FOXN3: variants seen among roughly 807,000 people sequenced by gnomAD.
FOXN3 encodes the protein forkhead box protein N3.
In FOXN3, 7 loss-of-function variants were observed where a neutral mutation model predicts 38.4. The observed-to-expected ratio is 0.18, with a 90% CI of 0.10 to 0.34. The LOEUF (loss-of-function observed/expected upper bound fraction) is 0.34. FOXN3 is among the 10% of genes least tolerant of loss of function. The pLI, the probability that FOXN3 is intolerant of heterozygous loss-of-function variation, is 1.00. For missense variants in FOXN3, 456 were observed against 613.4 expected, an observed-to-expected ratio of 0.74 and a Z score of 2.71; for synonymous variants, 230 against 242.2, an observed-to-expected ratio of 0.95 and a Z score of 0.47.
intron 3 of FOXN3, among the ~76,000 whole-genome samples, chr14:89,331,370 C>T (rs10146970): frequency 0.17 from 26,576 of 152,194 alleles, 2,620 homozygotes; most frequent in South Asian, 0.3. Context: ...ATGTTGTGGC[C>T]TGTGTCAGAA....
At chr14:89,372,844 A>G (rs1208279425) in intron 2 of FOXN3, among the ~76,000 whole-genome samples, 1 of 152,212 alleles carries the variant, frequency 6.6e-6, no homozygotes, top group Non-Finnish European at 1.5e-5. Context: ...CAATATCACA[A>G]TGTTAAAAAT....
At chr14:89,503,539 T>C (rs1180413524) in intron 1 of FOXN3, among the ~76,000 whole-genome samples, 1 of 152,222 alleles carries the variant, frequency 6.6e-6, no homozygotes, top group Non-Finnish European at 1.5e-5. Context: ...GTGCATGAAT[T>C]TGAATATTTG....
Position 89,162,040 on chromosome 14 carries a change from G to GA in FOXN3, c.*373dup, listed in dbSNP as rs1887118708. The stretch of plus-strand genomic sequence containing the variant: ...TTTGCCCACGTGCCTTCTAGGTGCC[G>GA]AATGTGTGTTCCTGTGATATTGACG... On this transcript the variant is annotated 3_prime_UTR_variant, in exon 6 of 6. Transcript: ENST00000557258. The surrounding 1 kb of genome is among the most constrained non-coding windows in gnomAD (Gnocchi z 7.2). 1 of 167,378 alleles carries GA rather than the reference G, an allele frequency of 6.0e-6. No homozygotes were observed. The highest frequency in any genetic ancestry group is 1.3e-5 in the Non-Finnish European group (1 of 78,382). The allele number at this position is 167,378 out of a possible 1,614,324, so 10.4% of individuals were successfully genotyped here.
chr14:89,445,040 T>G (rs112169019), intron 1 of FOXN3, among the ~76,000 whole-genome samples: 5,286 of 152,054 alleles, frequency 0.035, 319 homozygotes, highest in African/African-American at 0.12. Context: ...GGAGATCGCT[T>G]GAGCCCAGGA....
chr14:89,379,372 T>A (rs1038870910), intron 2 of FOXN3, among the ~76,000 whole-genome samples: 1 of 152,138 alleles, frequency 6.6e-6, no homozygotes, highest in Non-Finnish European at 1.5e-5. Context: ...CCTATTGGTA[T>A]TTGCGGCCGG....
chr14:89,468,753 C>A (rs778933217), intron 1 of FOXN3, among the ~76,000 whole-genome samples: 1 of 152,158 alleles, frequency 6.6e-6, no homozygotes, highest in Non-Finnish European at 1.5e-5. Context: ...TTGAACCAGT[C>A]CCCTGGTGGT....
chr14:89,417,247 G>A (rs531934117), upstream of FOXN3: 1 of 147,564 alleles, frequency 6.8e-6, no homozygotes, highest in Non-Finnish European at 1.5e-5. Flanking sequence ...CAGGCAGGAG[G>A]AGGGGAAGCG....
At position 89,368,352 on chromosome 14, in the gene FOXN3, C is replaced by T. The variant is rs1293692145; in HGVS notation, c.544-17544G>A. Among the ~76,000 whole-genome samples, 3 of 148,028 alleles carry T rather than the reference C, an allele frequency of 2.0e-5. No homozygotes were observed. The Admixed American group carries it at 2.0e-4, about 10-fold the overall frequency. Reference sequence around the variant, plus strand: ...TCTCAAAAAAAAAAAAAAAGAACACCGAATCCCTGGCCAGGCACAGTGGCT... The same window carrying T: ...TCTCAAAAAAAAAAAAAAAGAACACTGAATCCCTGGCCAGGCACAGTGGCT... On this transcript the variant is annotated intron_variant, in intron 2 of 5. Transcript: ENST00000557258.
At chr14:89,218,012 G>A (rs1356586981) in intron 4 of FOXN3, among the ~76,000 whole-genome samples, 1 of 152,212 alleles carries the variant, frequency 6.6e-6, no homozygotes, top group East Asian at 1.9e-4. Flanking sequence ...GAATACTAAT[G>A]CCATTAGAAA....
At chr14:89,602,552 A>G (rs1182255826) in intron 1 of FOXN3, among the ~76,000 whole-genome samples, 1 of 151,230 alleles carries the variant, frequency 6.6e-6, no homozygotes, top group African/African-American at 2.4e-5. Flanking sequence ...GCTGGAGTGC[A>G]GTGGCGCGAT....
At chr14:89,366,553 G>A (rs1476251511) in intron 2 of FOXN3, among the ~76,000 whole-genome samples, 3 of 152,008 alleles carry the variant, frequency 2.0e-5, no homozygotes, top group African/African-American at 7.3e-5. Context: ...AGGGATGAGG[G>A]GAAATAAAAT....
At chr14:89,567,404 G>A (rs8014870) in intron 1 of FOXN3, among the ~76,000 whole-genome samples, 1,833 of 147,728 alleles carry the variant, frequency 0.012, 36 homozygotes, top group African/African-American at 0.042. Flanking sequence ...GGTACAGAGC[G>A]ATACTAAGGG....
rs564227868 is a variant in FOXN3 at position 89,160,562 on chromosome 14, T to C, written c.*1852A>G. 17 of 152,666 alleles carry C rather than the reference T, an allele frequency of 1.1e-4. No individual in the cohort carries two copies. The South Asian group carries it at 3.5e-3, about 32-fold the overall frequency. The allele number at this position is 152,666 out of a possible 1,614,324, so 9.5% of individuals were successfully genotyped here. ...TCACTGCCTTTTTCCTAGAACCAAATCATGGTAATGATTTTCTCAAGTAAG... is the reference window on the plus strand; with the variant it reads ...TCACTGCCTTTTTCCTAGAACCAAACCATGGTAATGATTTTCTCAAGTAAG... On this transcript the variant is annotated 3_prime_UTR_variant, in exon 6 of 6. Transcript: ENST00000557258.
upstream of FOXN3, among the ~76,000 whole-genome samples, chr14:89,418,853 ACCTTTG>A (rs997561759): frequency 3.3e-5 from 5 of 152,020 alleles, no homozygotes; most frequent in Non-Finnish European, 5.9e-5. Flanking sequence ...AAGGCCAGAG[ACCTTTG>A]TCCAAGCCCT....
Position 89,465,952 on chromosome 14 carries a change from A to G in FOXN3, c.-14-53462T>C, listed in dbSNP as rs528968414. On this transcript the variant is annotated intron_variant, in intron 1 of 6. Coordinates refer to the FOXN3 transcript ENST00000345097. ...GACAGGCTGATTATTTGAACAGAATATCAGGGTCATTCCCATCTCCATCTC... is the reference window on the plus strand; with the variant it reads ...GACAGGCTGATTATTTGAACAGAATGTCAGGGTCATTCCCATCTCCATCTC... Among the ~76,000 whole-genome samples the G allele has an allele frequency of 7.4e-4, 113 of 152,346 alleles. No homozygotes were observed. The South Asian group carries it at 0.023, about 31-fold the overall frequency.
At chr14:89,500,105 G>A (rs1001942385) in intron 1 of FOXN3, among the ~76,000 whole-genome samples, 5 of 152,102 alleles carry the variant, frequency 3.3e-5, no homozygotes, top group Admixed American at 6.5e-5. Context: ...CACCTGCCTC[G>A]GCCTCCCAAA....
At chr14:89,414,267 A>AGCCTGGGCAACAGAGGGAGACCC (rs1445593699) in intron 1 of FOXN3, among the ~76,000 whole-genome samples, 3 of 149,946 alleles carry the variant, frequency 2.0e-5, no homozygotes, top group Non-Finnish European at 4.4e-5. Context: ...ACTGCACTCC[A>AGCCTGGGCAACAGAGGGAGACCC]GCCTGGGCAA....
intron 1 of FOXN3, among the ~76,000 whole-genome samples, chr14:89,488,881 C>CT (rs1893509784): frequency 6.6e-6 from 1 of 152,162 alleles, no homozygotes; most frequent in South Asian, 2.1e-4. Context: ...TAAAAAAACA[C>CT]TGTCACTCAA....
At chr14:89,197,080 T>C (rs1329987297) in intron 4 of FOXN3, among the ~76,000 whole-genome samples, 1 of 152,250 alleles carries the variant, frequency 6.6e-6, no homozygotes, top group Non-Finnish European at 1.5e-5. Context: ...CAGCTCTCTC[T>C]GCTCCCCCTC....
Sources: gnomAD v4.1 joint callset for allele counts (sites outside exome capture counted in the v4.1 genomes callset) on GRCh38, gnomAD v4.1.1 for gene constraint, Gnocchi (gnomAD v3.1) non-coding constraint, MANE v1.5 for transcripts, NCBI Gene and HGNC (gene_info 2026-07-23, HGNC 2026-07-21) for gene names.